The following KIRREL3 variants were observed in gnomAD, a reference collection of about 807,000 sequenced individuals.
KIRREL3 encodes the protein kirre like nephrin family adhesion molecule 3.
Under a neutral mutation model 89.7 loss-of-function variants are expected in KIRREL3, and 36 were observed. The ratio of observed to expected loss-of-function variants is 0.40; its 90% CI spans 0.31 to 0.53. The LOEUF (loss-of-function observed/expected upper bound fraction) is 0.53, where lower values mean the gene tolerates loss of function less well. KIRREL3 is among the 20% of genes least tolerant of loss of function. The pLI, the probability that KIRREL3 is intolerant of heterozygous loss-of-function variation, is 0.49. For missense variants in KIRREL3, 864 were observed against 1,056.6 expected, an observed-to-expected ratio of 0.82 and a Z score of 2.53; for synonymous variants, 445 against 441.4, an observed-to-expected ratio of 1.01 and a Z score of -0.10.
In KIRREL3 at chr11:126,493,522, G is replaced by A. The variant is rs143178340; in HGVS notation, c.434-20056C>T. Among the ~76,000 whole-genome samples, 1,247 of 152,134 alleles carry A rather than the reference G, an allele frequency of 8.2e-3. 22 individuals are homozygous for A. Among genetic ancestry groups the A allele is most frequent in the African/African-American group, 0.028 (1,170 of 41,506 alleles). Reference sequence around the variant, plus strand: ...TACAAAAAACTAGCCGGGTGTGGTGGTGGGTGCCTGTAGTCCCAGCTACTT... The same window carrying A: ...TACAAAAAACTAGCCGGGTGTGGTGATGGGTGCCTGTAGTCCCAGCTACTT... On this transcript the variant is annotated intron_variant, in intron 4 of 16. Coordinates refer to ENST00000525144, the MANE Select transcript of KIRREL3 (RefSeq NM_032531.4).
chr11:126,611,991 G>A lies in KIRREL3; in HGVS notation c.56-49079C>T, dbSNP rs1340108533. On this transcript the variant is annotated intron_variant, in intron 1 of 16. Transcript: ENST00000525144. The surrounding 1 kb of genome is among the most constrained non-coding windows in gnomAD (Gnocchi z 4.7). ...CCTTGGAGCCCACCTCCTCAAGCAA[G>A]CCTCCCAGCCCAGTCAGCCCCTGTG... 2.6e-5 allele frequency among the ~76,000 whole-genome samples: 4 copies of A among 152,280 alleles called. 1 individual carries two copies. In the South Asian group the frequency reaches 6.2e-4, roughly 24 times the overall value.
At chr11:126,845,043 C>T (rs1404125860) in intron 1 of KIRREL3, among the ~76,000 whole-genome samples, 1 of 152,088 alleles carries the variant, frequency 6.6e-6, no homozygotes, top group African/African-American at 2.4e-5. Flanking sequence ...GGCCAGCGAC[C>T]ACAAGTTGAA....
chr11:126,505,138 T>C (rs1957980776), intron 4 of KIRREL3, among the ~76,000 whole-genome samples: 1 of 152,382 alleles, frequency 6.6e-6, no homozygotes, highest in African/African-American at 2.4e-5. Flanking sequence ...TTCAGCATTG[T>C]ACTGTAAGTT....
chr11:126,777,626 G>T (rs542613822), intron 1 of KIRREL3, among the ~76,000 whole-genome samples: 26 of 152,318 alleles, frequency 1.7e-4, no homozygotes, highest in African/African-American at 6.0e-4. Context: ...AGAACTAGCA[G>T]CCCAAAGCAA....
chr11:126,735,290 A>T (rs972232905), intron 1 of KIRREL3, among the ~76,000 whole-genome samples: 3 of 152,208 alleles, frequency 2.0e-5, no homozygotes, highest in Admixed American at 2.0e-4. Context: ...TCCACGTTTG[A>T]CGAGTACGGG....
intron 1 of KIRREL3, chr11:126,992,428 ACTGT>A (rs796414040): frequency 1.3e-5 from 2 of 152,262 alleles, no homozygotes; most frequent in African/African-American, 2.4e-5. Context: ...TGGAAATAAC[ACTGT>A]CTATTTCTTG....
chr11:126,827,496 T>C (rs1592185856), intron 1 of KIRREL3, among the ~76,000 whole-genome samples: 1 of 92,806 alleles, frequency 1.1e-5, no homozygotes, highest in Admixed American at 1.1e-4. Flanking sequence ...TTTTATTACA[T>C]TTTTGGGGGG....
rs568677935 is a variant in KIRREL3, at chr11:126,565,832, G to C, written c.56-2920C>G. ...AGCTACTAACCACAGAGAGAACCAG[G>C]AGGAAGCAGGAGGCAATTGCTTTGG... On this transcript the variant is annotated intron_variant, in intron 1 of 16. Coordinates refer to ENST00000525144, the MANE Select transcript of KIRREL3 (RefSeq NM_032531.4). This position sits in a 1 kb window ranked among gnomAD's most constrained non-coding sequence, Gnocchi z 5.4. 6.6e-6 allele frequency among the ~76,000 whole-genome samples: 1 copy of C among 152,078 alleles called. No individual in the cohort carries two copies. The highest frequency in any genetic ancestry group is 6.6e-5 in the Admixed American group (1 of 15,264).
At position 126,609,459 on chromosome 11, in the gene KIRREL3, T is replaced by C. The variant is rs1256398406; in HGVS notation, c.56-46547A>G. Among the ~76,000 whole-genome samples, 1 of 152,130 alleles carries C rather than the reference T, an allele frequency of 6.6e-6. No individual in the cohort carries two copies. The highest frequency in any genetic ancestry group is 2.4e-5 in the African/African-American group (1 of 41,386). Reference sequence around the variant, plus strand: ...GGACATGTATGAGGACGGTCTCCTTTGCAGCCTACCTGAAGTGAATGTGAG... The same window carrying C: ...GGACATGTATGAGGACGGTCTCCTTCGCAGCCTACCTGAAGTGAATGTGAG... On this transcript the variant is annotated intron_variant, in intron 1 of 16. Coordinates refer to ENST00000525144, the MANE Select transcript of KIRREL3 (RefSeq NM_032531.4). The surrounding 1 kb of genome is among the most constrained non-coding windows in gnomAD (Gnocchi z 5.0).
rs1004692275 is a variant in KIRREL3, at chr11:126,477,738, A to C, written c.434-4272T>G. On this transcript the variant is annotated intron_variant, in intron 4 of 16. Transcript: ENST00000525144. The surrounding 1 kb of genome is among the most constrained non-coding windows in gnomAD (Gnocchi z 4.8). ...CAGTGTCCACTTGGTCACCCAACTG[A>C]GACCTGGCTGGGCTTCCAGGAATTC... Among the ~76,000 whole-genome samples the C allele has an allele frequency of 1.3e-5, 2 of 152,112 alleles. No individual in the cohort carries two copies. Among genetic ancestry groups the C allele is most frequent in the Non-Finnish European group, 2.9e-5 (2 of 68,010 alleles).
intron 2 of KIRREL3, among the ~76,000 whole-genome samples, chr11:126,540,481 G>A (rs628147): frequency 0.58 from 87,858 of 152,052 alleles, 25,945 homozygotes; most frequent in East Asian, 0.94. Context: ...GACAGTGTGG[G>A]TCTTTAACGA....
rs907368737 is a variant in KIRREL3 at position 126,729,281 on chromosome 11, C to A, written c.56-166369G>T. ...CTAAGAAACAAGCACGCTGGCTTAACAACAAATCTAATTCTTTTAGGGAAA... is the reference window on the plus strand; with the variant it reads ...CTAAGAAACAAGCACGCTGGCTTAAAAACAAATCTAATTCTTTTAGGGAAA... On this transcript the variant is annotated intron_variant, in intron 1 of 16. Coordinates refer to ENST00000525144, the MANE Select transcript of KIRREL3 (RefSeq NM_032531.4). This position sits in a 1 kb window ranked among gnomAD's most constrained non-coding sequence, Gnocchi z 4.5. 2.0e-5 allele frequency among the ~76,000 whole-genome samples: 3 copies of A among 152,150 alleles called. No individual in the cohort carries two copies. Among genetic ancestry groups the A allele is most frequent in the Admixed American group, 6.5e-5 (1 of 15,280 alleles).
rs556179074 is a variant in KIRREL3 at position 126,883,767 on chromosome 11, G to C, written c.55+116688C>G. 6.6e-6 allele frequency among the ~76,000 whole-genome samples: 1 copy of C among 152,102 alleles called. No homozygotes were observed. The highest frequency in any genetic ancestry group is 2.1e-4 in the South Asian group (1 of 4,816). On this transcript the variant is annotated intron_variant, in intron 1 of 16. Transcript: ENST00000525144. The surrounding 1 kb of genome is among the most constrained non-coding windows in gnomAD (Gnocchi z 4.1). ...CTTACACAGGCTGGATTTTCTAAAA[G>C]CTACTAAAAAAATGCTTGTTTGAAA...
intron 4 of KIRREL3, among the ~76,000 whole-genome samples, chr11:126,497,603 A>G (rs942771539): frequency 6.6e-6 from 1 of 152,192 alleles, no homozygotes; most frequent in African/African-American, 2.4e-5. Flanking sequence ...CTGGATGGAG[A>G]TGCTCAAGCT....
At position 126,489,094 on chromosome 11, in the gene KIRREL3, T is replaced by A. The variant is rs1290411728; in HGVS notation, c.434-15628A>T. On this transcript the variant is annotated intron_variant, in intron 4 of 16. Coordinates refer to ENST00000525144, the MANE Select transcript of KIRREL3 (RefSeq NM_032531.4). This position sits in a 1 kb window ranked among gnomAD's most constrained non-coding sequence, Gnocchi z 5.5. The stretch of plus-strand genomic sequence containing the variant: ...CGCTTAGGCATCTGGAGCGCAGCAG[T>A]CAGTCTCATCCTGGGGTGCATCCCA... Among the ~76,000 whole-genome samples, 3 of 152,168 alleles carry A rather than the reference T, an allele frequency of 2.0e-5. No homozygotes were observed. Among genetic ancestry groups the A allele is most frequent in the Non-Finnish European group, 4.4e-5 (3 of 68,006 alleles).
chr11:126,568,226 T>C lies in KIRREL3; in HGVS notation c.56-5314A>G, dbSNP rs116254611. 1.1e-3 allele frequency among the ~76,000 whole-genome samples: 159 copies of C among 150,918 alleles called. 2 individuals are homozygous for C. The highest frequency in any genetic ancestry group is 3.7e-3 in the African/African-American group (153 of 41,470). ...AGGAGGTGGGAGCCACGCAGAATGC[T>C]AGGCAGGGGAAAGACAGGTGAGACT... On this transcript the variant is annotated intron_variant, in intron 1 of 16. Transcript: ENST00000525144. The surrounding 1 kb of genome is among the most constrained non-coding windows in gnomAD (Gnocchi z 4.6).
chr11:126,759,666 A>G (rs1407945831), intron 1 of KIRREL3, among the ~76,000 whole-genome samples: 1 of 152,208 alleles, frequency 6.6e-6, no homozygotes, highest in Non-Finnish European at 1.5e-5. Flanking sequence ...CTACAATTAT[A>G]TTGTTAGAGA....
chr11:126,496,285 C>T lies in KIRREL3; in HGVS notation c.434-22819G>A, dbSNP rs993426598. Among the ~76,000 whole-genome samples, 2 of 152,216 alleles carry T rather than the reference C, an allele frequency of 1.3e-5. No homozygotes were observed. The highest frequency in any genetic ancestry group is 4.8e-5 in the African/African-American group (2 of 41,446). On this transcript the variant is annotated intron_variant, in intron 4 of 16. Coordinates refer to ENST00000525144, the MANE Select transcript of KIRREL3 (RefSeq NM_032531.4). The surrounding 1 kb of genome is among the most constrained non-coding windows in gnomAD (Gnocchi z 4.9). ...CACTGTGCTGTTTGCAAAATGCTTT[C>T]TATACACGTTCATCTTTCTCTTTAC...
chr11:126,567,712 C>T (rs976969294), intron 1 of KIRREL3, among the ~76,000 whole-genome samples: 5 of 150,398 alleles, frequency 3.3e-5, no homozygotes, highest in East Asian at 3.9e-4. Context: ...AGGCTGGTTA[C>T]GTGTCTGCAT....
Sources: allele counts gnomAD v4.1 joint callset (sites outside exome capture counted in the v4.1 genomes callset), GRCh38; gene constraint gnomAD v4.1.1; non-coding constraint Gnocchi (gnomAD v3.1); transcripts MANE v1.5; gene names NCBI Gene and HGNC (gene_info 2026-07-23, HGNC 2026-07-21).